The following SYTL2 variants were observed in gnomAD, a reference collection of about 807,000 sequenced individuals.
SYTL2 encodes the protein synaptotagmin-like protein 2.
A neutral mutation model predicts 198.7 loss-of-function variants in SYTL2; 165 were observed. That is an observed-to-expected ratio of 0.83 (90% CI 0.73 to 0.94). The LOEUF is 0.94. Ranked by LOEUF, SYTL2 falls within the 40% of genes least tolerant of loss-of-function variation. SYTL2 has a pLI of 0.00. For synonymous variants in SYTL2, 966 were observed against 917.7 expected, an observed-to-expected ratio of 1.05 and a Z score of -0.95; for missense variants, 2,835 against 2,582.8, an observed-to-expected ratio of 1.10 and a Z score of -2.12.
chr11:85,737,482 C>T, intron 5 of SYTL2, 93 bp downstream of exon 5: 1 of 1,015,620 alleles, frequency 9.8e-7, no homozygotes, highest in Non-Finnish European at 1.5e-6. Flanking sequence ...AACTGTACTA[C>T]AAAATTCTCT....
chr11:85,719,359 T>C (rs1000363439), intron 9 of SYTL2: 31 of 1,126,752 alleles, frequency 2.8e-5, no homozygotes, highest in Non-Finnish European at 3.2e-5. Context: ...GTATCAGTAT[T>C]TGGAAGGGAG....
intron 1 of SYTL2, among the ~76,000 whole-genome samples, chr11:85,782,352 C>T (rs1028818491): frequency 1.3e-5 from 2 of 152,136 alleles, no homozygotes; most frequent in African/African-American, 4.8e-5. Flanking sequence ...GGCCCTGGAC[C>T]CAGCCCAGGA....
In SYTL2 at chr11:85,711,004, T is replaced by A. The variant is rs140407705; in HGVS notation, c.5745+109A>T. 145 of 1,234,968 alleles carry A rather than the reference T, an allele frequency of 1.2e-4. No homozygotes were observed. In the African/African-American group the frequency reaches 1.6e-3, roughly 14 times the overall value. 76.5% of individuals were successfully genotyped at this position (1,234,968 alleles called of 1,614,324 possible). On this transcript the variant is annotated intron_variant, in intron 13 of 19. Coordinates refer to ENST00000359152, the MANE Select transcript of SYTL2 (RefSeq NM_206927.4). The stretch of plus-strand genomic sequence containing the variant: ...GCTAATTATGGATTAGAGAAACTGT[T>A]TGTGCCCTGAGAAATACAGGAGGAG...
At chr11:85,708,249 GC>G in intron 14 of SYTL2, 1 of 297,846 alleles carries the variant, frequency 3.4e-6, no homozygotes, top group South Asian at 2.6e-5. Flanking sequence ...ACGCTTTGGT[GC>G]TTGCAGTATT....
chr11:85,834,743 T>C, the SYTL2 span, among the ~76,000 whole-genome samples: 1 of 149,058 alleles, frequency 6.7e-6, no homozygotes, highest in South Asian at 2.1e-4. Context: ...AAAAGCATAT[T>C]AAATGCTTTT....
chr11:85,774,052 T>C (rs2092408552), intron 1 of SYTL2, among the ~76,000 whole-genome samples: 1 of 152,066 alleles, frequency 6.6e-6, no homozygotes, highest in Non-Finnish European at 1.5e-5. Flanking sequence ...GAAATTCAGA[T>C]GAAAGCCAGC....
At chr11:85,782,716 T>C (rs1417817538) in intron 1 of SYTL2, among the ~76,000 whole-genome samples, 3 of 152,200 alleles carry the variant, frequency 2.0e-5, no homozygotes, top group East Asian at 1.9e-4. Flanking sequence ...CTTACAGATA[T>C]CCTAATCATC....
At chr11:85,835,388 T>C in the SYTL2 span, among the ~76,000 whole-genome samples, 2 of 138,344 alleles carry the variant, frequency 1.4e-5, no homozygotes, top group African/African-American at 4.9e-5. Context: ...GGTTAAATAA[T>C]TAGTCACTAT....
the SYTL2 span, among the ~76,000 whole-genome samples, chr11:85,849,680 G>A: frequency 6.7e-6 from 1 of 149,772 alleles, no homozygotes; most frequent in Admixed American, 6.7e-5. Flanking sequence ...TGCTGTTTTG[G>A]TTACTGTAGC....
chr11:85,757,577 A>G (rs1343000214), intron 2 of SYTL2, 48 bp downstream of exon 2: 7 of 1,600,012 alleles, frequency 4.4e-6, no homozygotes, highest in African/African-American at 2.7e-5. Context: ...ATTTTCGTAC[A>G]GACTGCCTCT....
Position 85,726,509 on chromosome 11 carries a change from G to C in SYTL2, c.2849C>G (p.Pro950Arg), listed in dbSNP as rs755730984. Residue 950 changes from proline to arginine, a missense_variant, in exon 8 of 20, where the codon CCT becomes CGT. Pro to Arg is a moderately radical substitution (Grantham distance 103). Coordinates refer to ENST00000359152, the MANE Select transcript of SYTL2 (RefSeq NM_206927.4). ...GTTGGCATTTGATTCACGAACTAGA[G>C]GTCTGTCTTTCTCCAATGGAGCATG... ...ERHAPLEKDR[P>R]LVRESNANFK... 1.0e-5 allele frequency: 16 copies of C among 1,605,784 alleles called. No individual in the cohort carries two copies. Among genetic ancestry groups the C allele is most frequent in the Admixed American group, 6.7e-5 (4 of 59,982 alleles).
rs1446903523 is a variant in SYTL2, at chr11:85,694,357, C to T, written c.*838G>A. The T allele has an allele frequency of 1.3e-5, 2 of 152,244 alleles. No individual in the cohort carries two copies. Among genetic ancestry groups the T allele is most frequent in the East Asian group, 3.9e-4 (2 of 5,190 alleles). 9.4% of individuals were successfully genotyped at this position (152,244 alleles called of 1,614,324 possible). ...GAAAATTTTACATACATAAGAAGAACAGTATAACTGAGCAACTTACATTCT... is the reference window on the plus strand; with the variant it reads ...GAAAATTTTACATACATAAGAAGAATAGTATAACTGAGCAACTTACATTCT... On this transcript the variant is annotated 3_prime_UTR_variant, in exon 20 of 20. Coordinates refer to ENST00000359152, the MANE Select transcript of SYTL2 (RefSeq NM_206927.4).
At chr11:85,753,346 C>T (rs960900329) in intron 2 of SYTL2, among the ~76,000 whole-genome samples, 8 of 152,110 alleles carry the variant, frequency 5.3e-5, no homozygotes, top group Admixed American at 4.6e-4. Flanking sequence ...GTTAGGGAAG[C>T]AGGCTGTGTA....
intron 16 of SYTL2, among the ~76,000 whole-genome samples, chr11:85,703,336 C>T (rs1013069056): frequency 3.9e-5 from 6 of 152,098 alleles, no homozygotes; most frequent in Non-Finnish European, 8.8e-5. Context: ...TACACCTAGG[C>T]TCATTATAGT....
At chr11:85,741,998 G>T (rs188322405) in intron 4 of SYTL2, among the ~76,000 whole-genome samples, 10 of 152,280 alleles carry the variant, frequency 6.6e-5, no homozygotes, top group Admixed American at 2.6e-4. Flanking sequence ...ACAGGTAAGT[G>T]CCCAGAAGAA....
chr11:85,845,056 T>C, the SYTL2 span, among the ~76,000 whole-genome samples: 27,425 of 152,108 alleles, frequency 0.18, 2,651 homozygotes, highest in Middle Eastern at 0.23. Context: ...CCACTCAATG[T>C]TCCAGTCTTC....
the SYTL2 span, among the ~76,000 whole-genome samples, chr11:85,826,300 G>T: frequency 2.6e-5 from 4 of 152,340 alleles, no homozygotes; most frequent in Non-Finnish European, 2.9e-5. Flanking sequence ...GCTGGGAGTG[G>T]CTGGGGAAGG....
intron 11 of SYTL2, 156 bp from the exon 12 acceptor site, chr11:85,714,663 T>A: frequency 1.5e-6 from 2 of 1,368,380 alleles, no homozygotes; most frequent in Non-Finnish European, 1.9e-6. Context: ...ATCATGAGAT[T>A]AGCAACATGC....
intron 1 of SYTL2, among the ~76,000 whole-genome samples, chr11:85,798,493 A>G (rs2092836936): frequency 6.6e-6 from 1 of 152,196 alleles, no homozygotes; most frequent in African/African-American, 2.4e-5. Flanking sequence ...GGCTTCACAT[A>G]TGTGGCATTT....
Sources: gnomAD v4.1 joint callset for allele counts (sites outside exome capture counted in the v4.1 genomes callset) on GRCh38, gnomAD v4.1.1 for gene constraint, MANE v1.5 for transcripts, NCBI Gene and HGNC (gene_info 2026-07-23, HGNC 2026-07-21) for gene names.